Variants in PRKCE observed in about 807,000 individuals in gnomAD.
The protein encoded by PRKCE is protein kinase C epsilon.
PRKCE carries 16 observed loss-of-function variants against 85.4 expected under a neutral mutation model. The observed-to-expected ratio is 0.19, with a 90% CI of 0.13 to 0.28. The LOEUF (loss-of-function observed/expected upper bound fraction) is 0.28. Among genes scored for constraint, PRKCE ranks in the 10% least tolerant of loss-of-function variants. The pLI is 1.00. For synonymous variants in PRKCE, 388 were observed against 371.5 expected, an observed-to-expected ratio of 1.04 and a Z score of -0.51; for missense variants, 573 against 975.2, an observed-to-expected ratio of 0.59 and a Z score of 5.49.
At chr2:45,848,857 G>A (rs778812863) in intron 2 of PRKCE, among the ~76,000 whole-genome samples, 46 of 152,328 alleles carry the variant, frequency 3.0e-4, no homozygotes, top group Middle Eastern at 6.8e-3. Context: ...AATAAGTCGG[G>A]ACCAGAATAA....
intron 2 of PRKCE, among the ~76,000 whole-genome samples, chr2:45,917,708 CCGT>C (rs1216108529): frequency 7.9e-5 from 12 of 152,354 alleles, no homozygotes; most frequent in Admixed American, 7.8e-4. Context: ...GGACTGGGCG[CCGT>C]GGAGCAGGGG....
intron 14 of PRKCE, among the ~76,000 whole-genome samples, chr2:46,173,897 A>G (rs1026200310): frequency 4.6e-5 from 7 of 152,208 alleles, no homozygotes; most frequent in Non-Finnish European, 1.0e-4. Context: ...TTCCTAAAGT[A>G]ACTTCTCACA....
Position 46,122,591 on chromosome 2 carries a change from A to C in PRKCE, c.1593-22502A>C, listed in dbSNP as rs535937217. On this transcript the variant is annotated intron_variant, in intron 11 of 14. Transcript: ENST00000306156. ...ATATGTAAATAGTCCTCACTGGGCGAGGTTACATCCCTCTGACCTTACCCA... is the reference window on the plus strand; with the variant it reads ...ATATGTAAATAGTCCTCACTGGGCGCGGTTACATCCCTCTGACCTTACCCA... Among the ~76,000 whole-genome samples, 132 of 152,262 alleles carry C rather than the reference A, an allele frequency of 8.7e-4. 1 individual carries two copies. Among genetic ancestry groups the C allele is most frequent in the African/African-American group, 3.1e-3 (127 of 41,544 alleles).
intron 2 of PRKCE, among the ~76,000 whole-genome samples, chr2:45,917,649 C>T (rs550813267): frequency 2.5e-4 from 38 of 152,252 alleles, no homozygotes; most frequent in Non-Finnish European, 4.1e-4. Context: ...GAGCTGCCTG[C>T]CAGTCCCGTG....
chr2:45,918,592 T>C (rs967432942), intron 2 of PRKCE, among the ~76,000 whole-genome samples: 2 of 152,210 alleles, frequency 1.3e-5, no homozygotes, highest in African/African-American at 4.8e-5. Context: ...GTTTCTATAG[T>C]TACTTTAAAA....
chr2:45,675,046 A>G (rs1676364427), intron 1 of PRKCE: 1 of 152,208 alleles, frequency 6.6e-6, no homozygotes, highest in Admixed American at 6.5e-5. Context: ...AATGCTGATT[A>G]AATGTCAGAG....
intron 1 of PRKCE, chr2:45,685,420 A>G (rs1000205084): frequency 3.9e-5 from 6 of 152,180 alleles, no homozygotes; most frequent in African/African-American, 1.4e-4. Context: ...CTAAACATAC[A>G]TTTCCTGAAA....
rs773940997 is a variant in PRKCE at position 45,809,090 on chromosome 2, TG to T, written c.349-33907del. Among the ~76,000 whole-genome samples, 16 of 152,298 alleles carry T rather than the reference TG, an allele frequency of 1.1e-4. 1 individual carries two copies. In the South Asian group the frequency reaches 2.1e-3, roughly 20 times the overall value. On this transcript the variant is annotated intron_variant, in intron 1 of 14. Transcript: ENST00000306156. ...GGAAGCTCACTGAAGGGAAGGGCCT[TG>T]GGCTTGGTGCATTCTAGCCTGATGG...
At chr2:46,102,757 A>G in intron 11 of PRKCE, among the ~76,000 whole-genome samples, 1 of 152,146 alleles carries the variant, frequency 6.6e-6, no homozygotes, top group East Asian at 1.9e-4. Context: ...TTTCCTCATG[A>G]TTAGACTCTG....
At chr2:46,087,373 G>T (rs1669748190) in intron 11 of PRKCE, among the ~76,000 whole-genome samples, 2 of 152,114 alleles carry the variant, frequency 1.3e-5, no homozygotes, top group Admixed American at 6.5e-5. Context: ...AGGTTGGTAG[G>T]TTGAACAATC....
intron 2 of PRKCE, among the ~76,000 whole-genome samples, chr2:45,948,563 C>T (rs1394488824): frequency 6.6e-6 from 1 of 152,162 alleles, no homozygotes; most frequent in Non-Finnish European, 1.5e-5. Context: ...TGCTTGAGCC[C>T]AGGAGCTCGA....
At chr2:45,710,835 G>A (rs935693733) in intron 1 of PRKCE, among the ~76,000 whole-genome samples, 3 of 152,206 alleles carry the variant, frequency 2.0e-5, no homozygotes, top group East Asian at 1.9e-4. Flanking sequence ...CTAAAGGATC[G>A]GGGTGTTTTA....
intron 2 of PRKCE, among the ~76,000 whole-genome samples, chr2:45,928,186 G>A (rs1180379896): frequency 6.6e-6 from 1 of 152,186 alleles, no homozygotes; most frequent in Admixed American, 6.5e-5. Context: ...CTGAGTCCCA[G>A]TGACCTCTAC....
At chr2:45,818,465 C>A (rs1291735185) in intron 1 of PRKCE, among the ~76,000 whole-genome samples, 1 of 152,208 alleles carries the variant, frequency 6.6e-6, no homozygotes, top group Non-Finnish European at 1.5e-5. Flanking sequence ...ATCATCCTAA[C>A]AGATGTTTGC....
chr2:46,177,423 T>G (rs1179010724), intron 14 of PRKCE, among the ~76,000 whole-genome samples: 1 of 152,224 alleles, frequency 6.6e-6, no homozygotes, highest in African/African-American at 2.4e-5. Context: ...ATCAAGGTGT[T>G]GGCAGGGTCT....
In PRKCE at chr2:45,653,671, C is replaced by T. The variant is rs905401177; in HGVS notation, c.348+1223C>T. Among the ~76,000 whole-genome samples, 29 of 151,782 alleles carry T rather than the reference C, an allele frequency of 1.9e-4. 1 individual carries two copies. Among genetic ancestry groups the T allele is most frequent in the African/African-American group, 4.8e-5 (2 of 41,326 alleles). On this transcript the variant is annotated intron_variant, in intron 1 of 14. Transcript: ENST00000306156. The stretch of plus-strand genomic sequence containing the variant: ...ACCTTACATATTTTTTTCAAGGACA[C>T]GGAGTTTTAGGGAAAAATAAGAGAG...
In PRKCE at chr2:45,786,485, A is replaced by G. The variant is rs1037078028; in HGVS notation, c.349-56515A>G. ...CTGCTCCTAGTATCTGCTTTCAGCC[A>G]TTTTATCTTTAGTTTCCATCTGCAC... is the stretch of plus-strand genomic sequence containing the variant. On this transcript the variant is annotated intron_variant, in intron 1 of 14. Coordinates refer to ENST00000306156, the MANE Select transcript of PRKCE (RefSeq NM_005400.3). This position sits in a 1 kb window ranked among gnomAD's most constrained non-coding sequence, Gnocchi z 5.3. 1.1e-4 allele frequency among the ~76,000 whole-genome samples: 17 copies of G among 152,136 alleles called. No homozygotes were observed. Among genetic ancestry groups the G allele is most frequent in the African/African-American group, 4.1e-4 (17 of 41,420 alleles).
At chr2:46,183,004 A>G (rs2592156) in intron 14 of PRKCE, among the ~76,000 whole-genome samples, 14 of 152,136 alleles carry the variant, frequency 9.2e-5, no homozygotes, top group Non-Finnish European at 2.9e-5. Context: ...GGGAAAGTCA[A>G]CAAACCTCTC....
chr2:45,919,781 A>G (rs1317772249), intron 2 of PRKCE, among the ~76,000 whole-genome samples: 1 of 152,242 alleles, frequency 6.6e-6, no homozygotes, highest in African/African-American at 2.4e-5. Context: ...GTACCATGGC[A>G]TGTGTGGAGT....
Sources: gnomAD v4.1 joint callset for allele counts (sites outside exome capture counted in the v4.1 genomes callset) on GRCh38, gnomAD v4.1.1 for gene constraint, Gnocchi (gnomAD v3.1) non-coding constraint, MANE v1.5 for transcripts, NCBI Gene and HGNC (gene_info 2026-07-23, HGNC 2026-07-21) for gene names.